TRABD2B: variants seen among roughly 807,000 people sequenced by gnomAD.
TRABD2B encodes TraB domain containing 2B, also known as metalloprotease TIKI2.
Under a neutral mutation model 40.1 loss-of-function variants are expected in TRABD2B, and 14 were observed. The ratio of observed to expected loss-of-function variants is 0.35; its 90% CI spans 0.23 to 0.55. The LOEUF is 0.55. Ranked by LOEUF, TRABD2B falls within the 20% of genes least tolerant of loss-of-function variation. The pLI is 0.90. For missense variants in TRABD2B, 541 were observed against 648.6 expected, an observed-to-expected ratio of 0.83 and a Z score of 1.80; for synonymous variants, 263 against 277.0, an observed-to-expected ratio of 0.95 and a Z score of 0.50.
At chr1:47,865,929 G>A (rs1042482383) in intron 2 of TRABD2B, among the ~76,000 whole-genome samples, 2 of 152,076 alleles carry the variant, frequency 1.3e-5, no homozygotes, top group African/African-American at 4.8e-5. Flanking sequence ...GCCCAGACAG[G>A]CTTCTCCATT....
intron 2 of TRABD2B, among the ~76,000 whole-genome samples, chr1:47,972,899 C>G (rs975697110): frequency 6.6e-6 from 1 of 152,146 alleles, no homozygotes; most frequent in African/African-American, 2.4e-5. Flanking sequence ...GTAAATGAGG[C>G]ATCTCTAAGG....
chr1:47,856,621 G>A (rs768968326), intron 2 of TRABD2B, among the ~76,000 whole-genome samples: 9 of 152,278 alleles, frequency 5.9e-5, no homozygotes, highest in Non-Finnish European at 1.2e-4. Context: ...TGTCCTGATG[G>A]TCTAAGTGGA....
chr1:47,809,068 C>CT (rs1644928698), intron 2 of TRABD2B, among the ~76,000 whole-genome samples: 1 of 152,146 alleles, frequency 6.6e-6, no homozygotes, highest in Non-Finnish European at 1.5e-5. Context: ...ATCCCCTCCT[C>CT]TGCACGTCCT....
At chr1:47,809,066 C>T (rs959918025) in intron 2 of TRABD2B, among the ~76,000 whole-genome samples, 1 of 152,152 alleles carries the variant, frequency 6.6e-6, no homozygotes, top group African/African-American at 2.4e-5. Context: ...GGATCCCCTC[C>T]TCTGCACGTC....
At chr1:47,981,403 C>G (rs1369323508) in intron 2 of TRABD2B, among the ~76,000 whole-genome samples, 1 of 152,200 alleles carries the variant, frequency 6.6e-6, no homozygotes, top group Non-Finnish European at 1.5e-5. Flanking sequence ...ATCCTCCACT[C>G]ATTAGCTGTG....
chr1:47,962,778 T>C (rs1440022443), intron 2 of TRABD2B, among the ~76,000 whole-genome samples: 2 of 152,158 alleles, frequency 1.3e-5, no homozygotes, highest in African/African-American at 4.8e-5. Context: ...CCTCTCTGTT[T>C]CTCCCCAGAT....
chr1:47,913,087 C>T (rs1386224973), intron 2 of TRABD2B, among the ~76,000 whole-genome samples: 1 of 152,204 alleles, frequency 6.6e-6, no homozygotes, highest in South Asian at 2.1e-4. Context: ...CAGCTCCATG[C>T]TCTGTAGCCC....
chr1:47,969,793 G>C (rs1645654716), intron 2 of TRABD2B, among the ~76,000 whole-genome samples: 1 of 152,196 alleles, frequency 6.6e-6, no homozygotes, highest in Non-Finnish European at 1.5e-5. Context: ...GGTTCAGAGG[G>C]AGGACAAGTG....
Position 47,873,071 on chromosome 1 carries a change from G to C in TRABD2B, c.667-71452C>G, listed in dbSNP as rs57946153. Among the ~76,000 whole-genome samples the C allele has an allele frequency of 2.6e-5, 4 of 152,228 alleles. No homozygotes were observed. In the East Asian group the frequency reaches 7.7e-4, roughly 29 times the overall value. ...TTGCCATGTCCTCACTGGTGGAAGG[G>C]GCTAGCTAGCTCTAGGGGGTAGCTT... On this transcript the variant is annotated intron_variant, in intron 2 of 6. Coordinates refer to ENST00000606738, the MANE Select transcript of TRABD2B (RefSeq NM_001194986.2).
chr1:47,966,238 T>G (rs1014217631), intron 2 of TRABD2B, among the ~76,000 whole-genome samples: 2 of 152,042 alleles, frequency 1.3e-5, no homozygotes, highest in African/African-American at 4.8e-5. Flanking sequence ...TCCCCAACAC[T>G]GACCCATGTA....
intron 2 of TRABD2B, among the ~76,000 whole-genome samples, chr1:47,979,595 C>G (rs1357482918): frequency 2.0e-5 from 3 of 152,180 alleles, no homozygotes; most frequent in Non-Finnish European, 4.4e-5. Flanking sequence ...TCCCATCCCC[C>G]ACTTCTGCTG....
chr1:47,841,505 G>A lies in TRABD2B; in HGVS notation c.667-39886C>T, dbSNP rs12132030. 8.5e-3 allele frequency among the ~76,000 whole-genome samples: 1,301 copies of A among 152,324 alleles called. 9 individuals carry two copies. The highest frequency in any genetic ancestry group is 0.037 in the Middle Eastern group (11 of 294). ...TTTCACTTATTCATTCATTGTCACT[G>A]AATGCTTACCACTTGCCAGGCTCTC... is the stretch of plus-strand genomic sequence containing the variant. On this transcript the variant is annotated intron_variant, in intron 2 of 6. Transcript: ENST00000606738.
chr1:47,888,314 G>A (rs918615292), intron 2 of TRABD2B, among the ~76,000 whole-genome samples: 2 of 152,220 alleles, frequency 1.3e-5, no homozygotes, highest in African/African-American at 4.8e-5. Context: ...CTGATGGGCT[G>A]AAAATAGAGC....
chr1:47,873,017 C>T (rs975404140), intron 2 of TRABD2B, among the ~76,000 whole-genome samples: 4 of 152,224 alleles, frequency 2.6e-5, no homozygotes, highest in Admixed American at 2.0e-4. Context: ...TGGTGGGGCC[C>T]ACTTCCTGCA....
rs765337192 is a variant in TRABD2B at position 47,996,347 on chromosome 1, C to G, written c.102+341G>C. On this transcript the variant is annotated intron_variant, in intron 1 of 6. Coordinates refer to ENST00000606738, the MANE Select transcript of TRABD2B (RefSeq NM_001194986.2). This position sits in a 1 kb window ranked among gnomAD's most constrained non-coding sequence, Gnocchi z 4.6. ...GTAGAAAAACACAGTCAGAAGCGGG[C>G]AGAGAGACCAGAAGGGTAAAGACAG... Among the ~76,000 whole-genome samples, 2 of 151,940 alleles carry G rather than the reference C, an allele frequency of 1.3e-5. No homozygotes were observed. The highest frequency in any genetic ancestry group is 2.9e-5 in the Non-Finnish European group (2 of 67,996).
chr1:47,784,152 G>C (rs1644563406), intron 4 of TRABD2B, among the ~76,000 whole-genome samples: 1 of 152,168 alleles, frequency 6.6e-6, no homozygotes, highest in Non-Finnish European at 1.5e-5. Flanking sequence ...GCTCAGTGAG[G>C]GGACGTGACT....
At chr1:47,963,655 C>A (rs1425828926) in intron 2 of TRABD2B, among the ~76,000 whole-genome samples, 1 of 152,190 alleles carries the variant, frequency 6.6e-6, no homozygotes, top group African/African-American at 2.4e-5. Context: ...TGCTTCCAGT[C>A]CTTGTGCAGT....
chr1:47,846,857 TACAC>T (rs67359073), intron 2 of TRABD2B, among the ~76,000 whole-genome samples: 28,134 of 106,218 alleles, frequency 0.26, 2,968 homozygotes, highest in Middle Eastern at 0.47. Flanking sequence ...AAAACATGCA[TACAC>T]ACACACACAC....
rs1305528939 is a variant in TRABD2B, at chr1:47,959,351, A to G, written c.666+34683T>C. Among the ~76,000 whole-genome samples, 5 of 152,328 alleles carry G rather than the reference A, an allele frequency of 3.3e-5. No individual in the cohort carries two copies. The East Asian group carries it at 9.6e-4, about 29-fold the overall frequency. On this transcript the variant is annotated intron_variant, in intron 2 of 6. Transcript: ENST00000606738. ...TTCAAAAGCCAGCAGAAGGCAAGAA[A>G]TAACTAAGATCAGAGCAGAACTGAA...
Sources: allele counts gnomAD v4.1 joint callset (sites outside exome capture counted in the v4.1 genomes callset), GRCh38; gene constraint gnomAD v4.1.1; non-coding constraint Gnocchi (gnomAD v3.1); transcripts MANE v1.5; gene names NCBI Gene and HGNC (gene_info 2026-07-23, HGNC 2026-07-21).